COL22A1: variants seen among roughly 807,000 people sequenced by gnomAD.
COL22A1 encodes collagen type XXII alpha 1 chain, also known as collagen alpha-1(XXII) chain.
COL22A1 carries 221 observed loss-of-function variants against 248.9 expected under a neutral mutation model. That is an observed-to-expected ratio of 0.89 (90% CI 0.80 to 0.99). COL22A1 has a LOEUF of 0.99. Ranked by LOEUF, COL22A1 falls within the 50% of genes least tolerant of loss-of-function variation. The pLI is 0.00. For synonymous variants in COL22A1, 891 were observed against 793.4 expected (o/e 1.12, Z -2.07); for missense variants, 2,240 against 2,179.0 (o/e 1.03, Z -0.56).
At chr8:138,848,360 G>A (rs546211052) in intron 3 of COL22A1, among the ~76,000 whole-genome samples, 21 of 152,236 alleles carry the variant, frequency 1.4e-4, no homozygotes, top group African/African-American at 4.3e-4. Flanking sequence ...CCTTCTCACC[G>A]GAAGCCTATT....
chr8:138,700,590 G>A (rs1171054642), intron 31 of COL22A1, among the ~76,000 whole-genome samples: 3 of 152,188 alleles, frequency 2.0e-5, no homozygotes, highest in African/African-American at 2.4e-5. Flanking sequence ...GGGAGAGTAG[G>A]AGAGGAGGGG....
chr8:138,743,294 G>A lies in COL22A1; in HGVS notation c.2086-5717C>T, dbSNP rs531372376. Among the ~76,000 whole-genome samples, 5 of 150,628 alleles carry A rather than the reference G, an allele frequency of 3.3e-5. No individual in the cohort carries two copies. In the East Asian group the frequency reaches 9.9e-4, roughly 30 times the overall value. On this transcript the variant is annotated intron_variant, in intron 22 of 64. Coordinates refer to ENST00000303045, the MANE Select transcript of COL22A1 (RefSeq NM_152888.3). ...TGTGATGATGATGGTGGAGATGATG[G>A]TGATGGTGTAGTTGATGAGGGTGAT... is the stretch of plus-strand genomic sequence containing the variant.
intron 62 of COL22A1, among the ~76,000 whole-genome samples, chr8:138,595,240 G>A (rs894569815): frequency 6.6e-6 from 1 of 152,174 alleles, no homozygotes; most frequent in Admixed American, 6.5e-5. Flanking sequence ...GAGGACAGGT[G>A]GTTGGCTTCT....
intron 11 of COL22A1, among the ~76,000 whole-genome samples, chr8:138,797,570 C>T (rs1816653691): frequency 6.6e-6 from 1 of 152,092 alleles, no homozygotes; most frequent in South Asian, 2.1e-4. Context: ...TTTGTGTAAA[C>T]ATATCTTTGC....
intron 47 of COL22A1, among the ~76,000 whole-genome samples, chr8:138,645,792 C>T (rs1231982039): frequency 6.6e-6 from 1 of 152,218 alleles, no homozygotes; most frequent in African/African-American, 2.4e-5. Context: ...CCAGATGAGG[C>T]ATGCTATGTC....
chr8:138,883,179 C>T lies in COL22A1; in HGVS notation c.-7G>A. 3 of 1,575,122 alleles carry T rather than the reference C, an allele frequency of 1.9e-6. No homozygotes were observed. Among genetic ancestry groups the T allele is most frequent in the Non-Finnish European group, 1.7e-6 (2 of 1,160,312 alleles). On this transcript the variant is annotated 5_prime_UTR_variant, in exon 2 of 65. Transcript: ENST00000303045. ...TCCCTCGGAGGCCGGCCATGGCTCT[C>T]CTGTTCTTGGGGACAGGCTTCTCTT...
At chr8:138,631,785 A>T (rs1820740418) in intron 49 of COL22A1, among the ~76,000 whole-genome samples, 1 of 152,090 alleles carries the variant, frequency 6.6e-6, no homozygotes, top group East Asian at 1.9e-4. Flanking sequence ...AAACTGAAAG[A>T]CCTACCCTTC....
chr8:138,809,769 C>T (rs991586052), intron 9 of COL22A1, among the ~76,000 whole-genome samples: 7 of 152,154 alleles, frequency 4.6e-5, no homozygotes, highest in East Asian at 1.9e-4. Flanking sequence ...CTGCCTGCCT[C>T]GGCCTCCCAA....
intron 41 of COL22A1, among the ~76,000 whole-genome samples, chr8:138,675,376 A>T (rs1825427939): frequency 1.3e-5 from 2 of 152,198 alleles, no homozygotes; most frequent in South Asian, 4.1e-4. Context: ...ATGAAGAATG[A>T]TATTACTCTT....
At chr8:138,694,416 G>A in intron 34 of COL22A1, 92 bp downstream of exon 34, 2 of 1,305,764 alleles carry the variant, frequency 1.5e-6, no homozygotes, top group Non-Finnish European at 2.2e-6. Context: ...AAAATGCCAG[G>A]GGAGAGAACT....
chr8:138,807,789 G>C lies in COL22A1; in HGVS notation c.1473C>G (p.Pro491=). 6.2e-7 allele frequency: 1 copy of C among 1,613,984 alleles called. No homozygotes were observed. Among genetic ancestry groups the C allele is most frequent in the Non-Finnish European group, 8.5e-7 (1 of 1,179,920 alleles). The part of the protein sequence containing the change: ...GEKGEMGVAG[P]MGLPGPKGDI... Reference sequence around the variant, plus strand: ...TGACCTTTGGACCAGGGAGCCCCATGGGGCCAGCAACTCCCATTTCACCCT... The same window carrying C: ...TGACCTTTGGACCAGGGAGCCCCATCGGGCCAGCAACTCCCATTTCACCCT... Residue 491 remains proline (P), a synonymous_variant, in exon 10 of 65, where the codon CCC becomes CCG. Coordinates refer to ENST00000303045, the MANE Select transcript of COL22A1 (RefSeq NM_152888.3).
chr8:138,696,231 C>A (rs890283627), intron 32 of COL22A1, among the ~76,000 whole-genome samples: 1 of 152,138 alleles, frequency 6.6e-6, no homozygotes, highest in South Asian at 2.1e-4. Flanking sequence ...AGGAGCAGAA[C>A]CTGCTACTGT....
In COL22A1 at chr8:138,654,182, G is replaced by A. The variant is rs114705733; in HGVS notation, c.3333+1715C>T. On this transcript the variant is annotated intron_variant, in intron 45 of 64. Coordinates refer to ENST00000303045, the MANE Select transcript of COL22A1 (RefSeq NM_152888.3). ...CTCTGGGTGAGGGGTCAGGGGTGGA[G>A]ATGGCTGGTGGCTGATGAAAACCTA... 5.4e-3 allele frequency among the ~76,000 whole-genome samples: 824 copies of A among 152,282 alleles called. 12 individuals carry two copies. The highest frequency in any genetic ancestry group is 0.019 in the African/African-American group (788 of 41,558).
At chr8:138,745,593 C>G (rs1331871368) in intron 22 of COL22A1, among the ~76,000 whole-genome samples, 1 of 152,198 alleles carries the variant, frequency 6.6e-6, no homozygotes, top group Non-Finnish European at 1.5e-5. Context: ...TCCTTCCTCT[C>G]ATAGTCTTAC....
intron 1 of COL22A1, among the ~76,000 whole-genome samples, chr8:138,897,957 C>A (rs893453412): frequency 2.6e-5 from 4 of 152,052 alleles, no homozygotes; most frequent in Non-Finnish European, 5.9e-5. Flanking sequence ...GGGTGTCTGG[C>A]AAGTGCTTGC....
chr8:138,762,609 C>CACA lies in COL22A1; in HGVS notation c.1804-144_1804-143insTGT, dbSNP rs35492380. On this transcript the variant is annotated intron_variant, in intron 16 of 64. Transcript: ENST00000303045. ...ACGTGCACACACACACACACACACACAACAGCCCTAGACGGGATGTGTCTT... is the reference window on the plus strand; with the variant it reads ...ACGTGCACACACACACACACACACACACAAACAGCCCTAGACGGGATGTGTCTT... 1,061 of 633,924 alleles carry CACA rather than the reference C, an allele frequency of 1.7e-3. 2 individuals are homozygous for CACA. Among genetic ancestry groups the CACA allele is most frequent in the Admixed American group, 3.4e-3 (138 of 40,856 alleles). The allele number at this position is 633,924 out of a possible 1,614,324, so 39.3% of individuals were successfully genotyped here.
intron 47 of COL22A1, among the ~76,000 whole-genome samples, chr8:138,643,493 T>C (rs888717805): frequency 3.3e-5 from 5 of 152,148 alleles, no homozygotes; most frequent in African/African-American, 1.2e-4. Context: ...CCAGTCATAA[T>C]AACAGTGCCA....
At chr8:138,751,026 T>C (rs1368384020) in intron 22 of COL22A1, among the ~76,000 whole-genome samples, 2 of 151,978 alleles carry the variant, frequency 1.3e-5, no homozygotes, top group Non-Finnish European at 2.9e-5. Flanking sequence ...TACCATGAGA[T>C]ATCATATCCA....
At chr8:138,780,856 A>C in intron 13 of COL22A1, 71 bp downstream of exon 13, 1 of 1,298,818 alleles carries the variant, frequency 7.7e-7, no homozygotes, top group Non-Finnish European at 1.1e-6. Flanking sequence ...ACTTAAGGAC[A>C]CGGGGTTCTG....
Sources: gnomAD v4.1 joint callset for allele counts (sites outside exome capture counted in the v4.1 genomes callset) on GRCh38, gnomAD v4.1.1 for gene constraint, MANE v1.5 for transcripts, NCBI Gene and HGNC (gene_info 2026-07-23, HGNC 2026-07-21) for gene names.